Variants in LGSN observed in about 807,000 individuals in gnomAD.
LGSN encodes the protein lengsin, lens protein with glutamine synthetase domain.
In LGSN, 21 loss-of-function variants were observed where a neutral mutation model predicts 19.5. That is an observed-to-expected ratio of 1.07 (90% CI 0.76 to 1.55). The LOEUF is 1.55. Ranked by LOEUF, LGSN falls within the 40% of genes most tolerant of loss-of-function variation. LGSN has a pLI of 0.00. For synonymous variants in LGSN, 257 were observed against 215.6 expected, an observed-to-expected ratio of 1.19 and a Z score of -1.68; for missense variants, 673 against 608.5, an observed-to-expected ratio of 1.11 and a Z score of -1.12.
the LGSN span, among the ~76,000 whole-genome samples, chr6:63,333,287 G>A: frequency 6.6e-6 from 1 of 151,884 alleles, no homozygotes; most frequent in Non-Finnish European, 1.5e-5. Context: ...CTGAGGACTG[G>A]ATGGATTAAC....
the LGSN span, among the ~76,000 whole-genome samples, chr6:63,440,127 T>C: frequency 6.6e-6 from 1 of 152,240 alleles, no homozygotes; most frequent in Non-Finnish European, 1.5e-5. Context: ...GTTTTTTGTA[T>C]GTCAGTATTG....
chr6:63,488,330 T>A, the LGSN span, among the ~76,000 whole-genome samples: 1 of 152,160 alleles, frequency 6.6e-6, no homozygotes, highest in Non-Finnish European at 1.5e-5. Context: ...CCTTTGCAAG[T>A]GAGAAAAGAG....
At chr6:63,512,160 G>A in the LGSN span, among the ~76,000 whole-genome samples, 6 of 151,324 alleles carry the variant, frequency 4.0e-5, no homozygotes, top group Non-Finnish European at 5.9e-5. Flanking sequence ...TCGGCTCACC[G>A]CAACCTCTGC....
At chr6:63,412,442 G>GCAAGAAAGAAAGAAAGAAAT in the LGSN span, among the ~76,000 whole-genome samples, 3 of 124,394 alleles carry the variant, frequency 2.4e-5, no homozygotes, top group African/African-American at 1.1e-4. Context: ...AAGAAAGAAA[G>GCAAGAAAGAAAGAAAGAAAT]CAAGAAAGAA....
At chr6:63,422,102 C>A in the LGSN span, among the ~76,000 whole-genome samples, 1 of 152,110 alleles carries the variant, frequency 6.6e-6, no homozygotes, top group African/African-American at 2.4e-5. Flanking sequence ...CTCTGTCTGT[C>A]GCCCAGGCTG....
rs139199145 is a variant in LGSN, at chr6:63,306,025, C to T, written c.31-10980G>A. On this transcript the variant is annotated intron_variant, in intron 1 of 3. Transcript: ENST00000370657. ...GAGGTTACAGTGAGCCAAGATCGCA[C>T]CACTGCACTCCAGCCTGGGCAACAG... Among the ~76,000 whole-genome samples, 72 of 152,162 alleles carry T rather than the reference C, an allele frequency of 4.7e-4. 1 individual carries two copies. The East Asian group carries it at 0.014, about 29-fold the overall frequency.
At chr6:63,360,549 T>C in the LGSN span, among the ~76,000 whole-genome samples, 2 of 152,212 alleles carry the variant, frequency 1.3e-5, no homozygotes, top group Non-Finnish European at 2.9e-5. Context: ...GTTATTCTAG[T>C]TAGCCATTCA....
chr6:63,503,925 C>CAAA, the LGSN span, among the ~76,000 whole-genome samples: 2 of 151,736 alleles, frequency 1.3e-5, no homozygotes, highest in Admixed American at 6.6e-5. Context: ...TCAAAAAAAC[C>CAAA]AAAACAACAA....
At chr6:63,363,334 G>A in the LGSN span, among the ~76,000 whole-genome samples, 1 of 152,202 alleles carries the variant, frequency 6.6e-6, no homozygotes, top group Non-Finnish European at 1.5e-5. Flanking sequence ...ACAGAACAAA[G>A]CTGGACAGAG....
At chr6:63,416,395 C>T in the LGSN span, among the ~76,000 whole-genome samples, 2 of 152,090 alleles carry the variant, frequency 1.3e-5, no homozygotes, top group East Asian at 3.8e-4. Context: ...ATCACATCCT[C>T]CCTCAAGTAA....
At chr6:63,516,203 C>A in the LGSN span, among the ~76,000 whole-genome samples, 38 of 152,232 alleles carry the variant, frequency 2.5e-4, no homozygotes, top group Admixed American at 1.4e-3. Context: ...ATCTGTACAC[C>A]AGGCAATTCT....
At chr6:63,400,408 G>T in the LGSN span, among the ~76,000 whole-genome samples, 1 of 152,184 alleles carries the variant, frequency 6.6e-6, no homozygotes, top group Non-Finnish European at 1.5e-5. Context: ...CCTACCAAAA[G>T]ATGGATAAAG....
chr6:63,564,404 GT>G, the LGSN span, among the ~76,000 whole-genome samples: 2 of 152,062 alleles, frequency 1.3e-5, no homozygotes, highest in Non-Finnish European at 2.9e-5. Flanking sequence ...AACATCCCTA[GT>G]TAAAAAGCAA....
rs765583125 is a variant in LGSN, at chr6:63,280,448, C to T, written c.1103G>A (p.Arg368His). Residue 368 changes from arginine to histidine, a missense_variant, in exon 4 of 4, where the codon CGT (arginine) becomes CAT (histidine). Coordinates refer to ENST00000370657, the MANE Select transcript of LGSN (RefSeq NM_016571.3). ...CAGGTCTTTCCTGTCCTTGGAATAA[C>T]GCTTTCGGCAGCTAACAGAAGGCGC... Reference protein sequence around the residue: ...LMAPSVSCRKRYSKDRKDLKK... With the variant: ...LMAPSVSCRKHYSKDRKDLKK... 2.6e-5 allele frequency: 42 copies of T among 1,614,160 alleles called. No individual in the cohort carries two copies. The highest frequency in any genetic ancestry group is 1.3e-4 in the African/African-American group (10 of 75,058).
At chr6:63,535,105 G>A in the LGSN span, among the ~76,000 whole-genome samples, 2 of 151,874 alleles carry the variant, frequency 1.3e-5, no homozygotes, top group Non-Finnish European at 2.9e-5. Context: ...CATATAAACA[G>A]TATTTTAGGT....
chr6:63,315,465 A>G (rs1428460108), intron 1 of LGSN, among the ~76,000 whole-genome samples: 1 of 151,956 alleles, frequency 6.6e-6, no homozygotes, highest in Non-Finnish European at 1.5e-5. Context: ...TTTACTCTAT[A>G]AATTTTACCT....
At chr6:63,549,717 A>G in the LGSN span, among the ~76,000 whole-genome samples, 2 of 152,136 alleles carry the variant, frequency 1.3e-5, no homozygotes, top group East Asian at 1.9e-4. Context: ...CTAAAGTTAA[A>G]CACAGATTGT....
chr6:63,327,057 A>G, the LGSN span, among the ~76,000 whole-genome samples: 2 of 152,164 alleles, frequency 1.3e-5, no homozygotes, highest in African/African-American at 4.8e-5. Context: ...GCTGTTGGCA[A>G]TTTGGCTGAT....
chr6:63,368,604 C>T, the LGSN span, among the ~76,000 whole-genome samples: 1 of 152,214 alleles, frequency 6.6e-6, no homozygotes, highest in Non-Finnish European at 1.5e-5. Flanking sequence ...TCCACACACG[C>T]AGCATGTTGC....
Sources: allele counts gnomAD v4.1 joint callset (sites outside exome capture counted in the v4.1 genomes callset), GRCh38; gene constraint gnomAD v4.1.1; transcripts MANE v1.5; gene names NCBI Gene and HGNC (gene_info 2026-07-23, HGNC 2026-07-21).